The following EPB41L4A variants were observed in gnomAD, a reference collection of about 807,000 sequenced individuals.
EPB41L4A encodes erythrocyte membrane protein band 4.1 like 4A.
In EPB41L4A, 100 loss-of-function variants were observed where a neutral mutation model predicts 108.6. That is an observed-to-expected ratio of 0.92 (90% CI 0.78 to 1.09). EPB41L4A has a LOEUF of 1.09. EPB41L4A is among the 50% of genes least tolerant of loss of function. The probability of loss-of-function intolerance (pLI) is 0.00; values close to 1 mark genes in which losing one functional copy is unlikely to be tolerated. For synonymous variants in EPB41L4A, 319 were observed against 289.0 expected, an observed-to-expected ratio of 1.10 and a Z score of -1.05; for missense variants, 1,030 against 842.7, an observed-to-expected ratio of 1.22 and a Z score of -2.75.
intron 1 of EPB41L4A, among the ~76,000 whole-genome samples, chr5:112,353,971 C>A (rs1758214324): frequency 1.3e-5 from 2 of 152,152 alleles, no homozygotes; most frequent in Admixed American, 6.6e-5. Context: ...TGGGCATCAG[C>A]ATTTTTTAAA....
intron 1 of EPB41L4A, among the ~76,000 whole-genome samples, chr5:112,356,352 A>G (rs1758358781): frequency 6.6e-6 from 1 of 152,188 alleles, no homozygotes; most frequent in Admixed American, 6.5e-5. Flanking sequence ...CTCCTATTAC[A>G]TCACTGTCTA....
At chr5:112,214,113 CTCA>C (rs1406094018) in intron 12 of EPB41L4A, among the ~76,000 whole-genome samples, 1 of 152,146 alleles carries the variant, frequency 6.6e-6, no homozygotes, top group East Asian at 1.9e-4. Flanking sequence ...TTTTCCTCCC[CTCA>C]TCATACCACC....
At chr5:112,271,215 C>T (rs920615797) in intron 4 of EPB41L4A, among the ~76,000 whole-genome samples, 1 of 152,182 alleles carries the variant, frequency 6.6e-6, no homozygotes, top group Non-Finnish European at 1.5e-5. Context: ...ATAGTTAAAT[C>T]AGCACCTACA....
intron 1 of EPB41L4A, among the ~76,000 whole-genome samples, chr5:112,321,212 C>G (rs1407294358): frequency 6.6e-6 from 1 of 152,150 alleles, no homozygotes; most frequent in Non-Finnish European, 1.5e-5. Context: ...GTTGCCAGAT[C>G]AGGACTGGAA....
At chr5:112,171,021 C>G in intron 18 of EPB41L4A, 29 bp from the exon 19 acceptor site, 1 of 1,591,136 alleles carries the variant, frequency 6.3e-7, no homozygotes, top group South Asian at 1.1e-5. Context: ...ACATTCATCT[C>G]TGCAAACATG....
At chr5:112,233,390 T>G (rs191903813) in intron 12 of EPB41L4A, among the ~76,000 whole-genome samples, 114 of 152,306 alleles carry the variant, frequency 7.5e-4, no homozygotes, top group Middle Eastern at 3.4e-3. Flanking sequence ...GCAGGCTAGA[T>G]TAAACTTTGT....
intron 2 of EPB41L4A, among the ~76,000 whole-genome samples, chr5:112,290,809 AG>A (rs1338626973): frequency 6.6e-6 from 1 of 152,172 alleles, no homozygotes; most frequent in African/African-American, 2.4e-5. Context: ...TCTGGCACAA[AG>A]GAGCAAGCCA....
chr5:112,388,855 G>A (rs1292602335), intron 1 of EPB41L4A, among the ~76,000 whole-genome samples: 4 of 152,134 alleles, frequency 2.6e-5, no homozygotes, highest in Non-Finnish European at 5.9e-5. Context: ...AGCCAGCCAG[G>A]CAGGAGACAG....
At chr5:112,151,443 T>C (rs1759464299) in intron 12 of EPB41L4A, among the ~76,000 whole-genome samples, 1 of 151,640 alleles carries the variant, frequency 6.6e-6, no homozygotes, top group South Asian at 2.1e-4. Flanking sequence ...AGTCCTGTTC[T>C]GTCGCCCCGA....
intron 9 of EPB41L4A, among the ~76,000 whole-genome samples, chr5:112,247,001 G>A (rs757863031): frequency 2.2e-4 from 34 of 152,164 alleles, no homozygotes; most frequent in Non-Finnish European, 1.2e-4. Flanking sequence ...GACTTGTCTC[G>A]TTATTTTCCT....
chr5:112,221,347 T>C lies in EPB41L4A; in HGVS notation c.1088-11365A>G, dbSNP rs370546054. On this transcript the variant is annotated intron_variant, in intron 12 of 22. Transcript: ENST00000261486. ...CATTCCAGCATTGCTTCTCTAGTCT[T>C]GCAAAGCAGCTGGTTAAGTGTACAA... Among the ~76,000 whole-genome samples, 12 of 152,332 alleles carry C rather than the reference T, an allele frequency of 7.9e-5. No individual in the cohort carries two copies. In the East Asian group the frequency reaches 1.2e-3, roughly 15 times the overall value.
At chr5:112,279,081 A>T (rs1752794298) in intron 3 of EPB41L4A, among the ~76,000 whole-genome samples, 1 of 151,702 alleles carries the variant, frequency 6.6e-6, no homozygotes, top group Admixed American at 6.6e-5. Flanking sequence ...AAAAAAAAAA[A>T]AAAAATCATT....
At chr5:112,210,021 A>C in intron 12 of EPB41L4A, 39 bp from the exon 13 acceptor site, 1 of 1,219,154 alleles carries the variant, frequency 8.2e-7, no homozygotes, top group Non-Finnish European at 1.2e-6. Flanking sequence ...AGAGAGAGGA[A>C]ACAGTGATAA....
chr5:112,204,331 G>T, intron 15 of EPB41L4A, 44 bp downstream of exon 15: 1 of 1,329,204 alleles, frequency 7.5e-7, no homozygotes, highest in Non-Finnish European at 1.1e-6. Flanking sequence ...GGGACAAAAT[G>T]CTTCTGTTGA....
intron 2 of EPB41L4A, among the ~76,000 whole-genome samples, chr5:112,288,480 C>T (rs758765730): frequency 1.3e-5 from 2 of 152,120 alleles, no homozygotes; most frequent in African/African-American, 4.8e-5. Flanking sequence ...GCAAGCAAGC[C>T]CAGACAACAG....
chr5:112,367,691 G>A (rs1387233386), intron 1 of EPB41L4A, among the ~76,000 whole-genome samples: 1 of 152,154 alleles, frequency 6.6e-6, no homozygotes, highest in Non-Finnish European at 1.5e-5. Flanking sequence ...GTGCGCAAAC[G>A]CCTCTGCATT....
rs775923412 is a variant in EPB41L4A, at chr5:112,301,214, T to C, written c.204+6172A>G. Reference sequence around the variant, plus strand: ...AGAGAGTATGATTTTTTGGGTGGTGTTGAAGAACATTCTTTTATCATATTA... The same window carrying C: ...AGAGAGTATGATTTTTTGGGTGGTGCTGAAGAACATTCTTTTATCATATTA... On this transcript the variant is annotated intron_variant, in intron 2 of 22. Coordinates refer to ENST00000261486, the MANE Select transcript of EPB41L4A (RefSeq NM_022140.5). 4.3e-4 allele frequency among the ~76,000 whole-genome samples: 66 copies of C among 152,284 alleles called. 1 individual carries two copies. The highest frequency in any genetic ancestry group is 4.0e-4 in the Non-Finnish European group (27 of 68,024).
At chr5:112,201,050 T>C (rs1475623725) in intron 15 of EPB41L4A, among the ~76,000 whole-genome samples, 2 of 152,236 alleles carry the variant, frequency 1.3e-5, no homozygotes, top group Non-Finnish European at 2.9e-5. Flanking sequence ...TCCAGCAATG[T>C]AGAGGTTTGT....
chr5:112,409,724 C>A (rs151320556), intron 1 of EPB41L4A, among the ~76,000 whole-genome samples: 197 of 152,222 alleles, frequency 1.3e-3, no homozygotes, highest in African/African-American at 4.5e-3. Context: ...TAGTTCTCTC[C>A]CTCAAGGCTT....
Sources: gnomAD v4.1 joint callset for allele counts (sites outside exome capture counted in the v4.1 genomes callset) on GRCh38, gnomAD v4.1.1 for gene constraint, MANE v1.5 for transcripts, NCBI Gene and HGNC (gene_info 2026-07-23, HGNC 2026-07-21) for gene names.